Variants in RALYL observed in about 807,000 individuals in gnomAD.
RALYL encodes RNA-binding Raly-like protein.
Under a neutral mutation model 35.1 loss-of-function variants are expected in RALYL, and 29 were observed. The ratio of observed to expected loss-of-function variants is 0.83; its 90% CI spans 0.61 to 1.13. RALYL has a LOEUF of 1.13. Ranked by LOEUF, RALYL falls within the 50% of genes most tolerant of loss-of-function variation. RALYL has a pLI of 0.00. For missense variants in RALYL, 359 were observed against 360.4 expected (o/e 1.00, Z 0.03); for synonymous variants, 120 against 127.6 (o/e 0.94, Z 0.40).
chr8:84,515,601 G>A (rs1020636277), intron 1 of RALYL, among the ~76,000 whole-genome samples: 9 of 152,086 alleles, frequency 5.9e-5, no homozygotes, highest in African/African-American at 9.7e-5. Flanking sequence ...CTTCTAGATG[G>A]TGTCTTTCAA....
chr8:84,346,021 T>C (rs1849771768), intron 1 of RALYL: 6 of 896,706 alleles, frequency 6.7e-6, no homozygotes, highest in Non-Finnish European at 8.0e-6. Context: ...ATAACTTGTA[T>C]GCATTTCTCT....
At chr8:84,792,351 C>T (rs926864007) in intron 3 of RALYL, among the ~76,000 whole-genome samples, 166 of 152,224 alleles carry the variant, frequency 1.1e-3, no homozygotes, top group African/African-American at 3.9e-3. Flanking sequence ...CGGCCAATCT[C>T]CTTTCCAACT....
chr8:84,320,965 C>T (rs1278036120), intron 1 of RALYL, among the ~76,000 whole-genome samples: 1 of 152,020 alleles, frequency 6.6e-6, no homozygotes, highest in African/African-American at 2.4e-5. Context: ...ACCATAGCAC[C>T]ATTCTTCAAC....
At chr8:84,236,531 G>A (rs916063244) in intron 1 of RALYL, among the ~76,000 whole-genome samples, 23 of 152,104 alleles carry the variant, frequency 1.5e-4, no homozygotes, top group African/African-American at 4.8e-4. Flanking sequence ...AATGATCCTG[G>A]CCAAGTCATG....
intron 6 of RALYL, among the ~76,000 whole-genome samples, chr8:84,868,023 T>C (rs1317707809): frequency 6.6e-6 from 1 of 152,098 alleles, no homozygotes; most frequent in East Asian, 1.9e-4. Flanking sequence ...TGCATAATAA[T>C]AAATTAGTTA....
intron 1 of RALYL, among the ~76,000 whole-genome samples, chr8:84,469,670 G>T (rs1412080996): frequency 1.3e-5 from 2 of 152,324 alleles, no homozygotes; most frequent in East Asian, 1.9e-4. Flanking sequence ...GCTCCACCCA[G>T]TTCGAGCTTC....
chr8:84,217,388 T>C (rs1821084610), intron 1 of RALYL, among the ~76,000 whole-genome samples: 1 of 152,128 alleles, frequency 6.6e-6, no homozygotes, highest in East Asian at 1.9e-4. Flanking sequence ...TATTAAAATA[T>C]TTTAAATACA....
At chr8:84,635,258 G>A (rs1372625008) in intron 2 of RALYL, among the ~76,000 whole-genome samples, 1 of 151,620 alleles carries the variant, frequency 6.6e-6, no homozygotes, top group East Asian at 1.9e-4. Context: ...ACAATATGCT[G>A]GAAAAAGGTA....
chr8:84,346,196 T>G, intron 1 of RALYL: 1 of 393,614 alleles, frequency 2.5e-6, no homozygotes, highest in African/African-American at 2.2e-5. Flanking sequence ...ATTGTTGAAT[T>G]TTAAATGTAT....
intron 2 of RALYL, among the ~76,000 whole-genome samples, chr8:84,591,533 A>G (rs1813270626): frequency 6.6e-6 from 1 of 152,198 alleles, no homozygotes; most frequent in Admixed American, 6.5e-5. Flanking sequence ...GATAGTAAGC[A>G]CACTTTCCCT....
intron 1 of RALYL, among the ~76,000 whole-genome samples, chr8:84,407,876 T>G (rs2043704253): frequency 6.6e-6 from 1 of 152,056 alleles, no homozygotes; most frequent in African/African-American, 2.4e-5. Context: ...TAAGGAACAC[T>G]CTAATTATCA....
chr8:84,479,068 A>G (rs2053765619), intron 1 of RALYL, among the ~76,000 whole-genome samples: 1 of 128,388 alleles, frequency 7.8e-6, no homozygotes, highest in Non-Finnish European at 1.6e-5. Context: ...CCTAGGTGAC[A>G]GAGCAAGACT....
intron 2 of RALYL, among the ~76,000 whole-genome samples, chr8:84,770,506 A>T (rs887259689): frequency 6.6e-6 from 1 of 151,254 alleles, no homozygotes; most frequent in African/African-American, 2.4e-5. Flanking sequence ...GCTGCTATAA[A>T]TATGCACGTG....
chr8:84,297,564 A>G (rs567112444), intron 1 of RALYL, among the ~76,000 whole-genome samples: 106 of 152,272 alleles, frequency 7.0e-4, no homozygotes, highest in Non-Finnish European at 1.4e-3. Context: ...TTTTGGAGGT[A>G]TATACCCAAT....
chr8:84,269,250 T>A (rs1833865705), intron 1 of RALYL, among the ~76,000 whole-genome samples: 1 of 152,174 alleles, frequency 6.6e-6, no homozygotes, highest in South Asian at 2.1e-4. Flanking sequence ...ATAGATTAAA[T>A]TACCAACTAA....
At chr8:84,294,732 C>T (rs566751072) in intron 1 of RALYL, among the ~76,000 whole-genome samples, 1 of 151,514 alleles carries the variant, frequency 6.6e-6, no homozygotes, top group Admixed American at 6.6e-5. Context: ...GGCAGAGACT[C>T]AAAGGTAGAC....
chr8:84,692,305 T>C (rs1838226411), intron 2 of RALYL, among the ~76,000 whole-genome samples: 1 of 151,922 alleles, frequency 6.6e-6, no homozygotes, highest in Admixed American at 6.6e-5. Context: ...TCAAAAACAA[T>C]ATGGACTGCT....
chr8:84,725,629 C>T (rs923487572), intron 2 of RALYL, among the ~76,000 whole-genome samples: 1 of 151,580 alleles, frequency 6.6e-6, no homozygotes. Flanking sequence ...GTTGAGTTCT[C>T]ACATTAGGTA....
chr8:84,587,661 C>T (rs562897831), intron 2 of RALYL, among the ~76,000 whole-genome samples: 20 of 152,070 alleles, frequency 1.3e-4, no homozygotes, highest in Non-Finnish European at 2.2e-4. Context: ...ATATGCATAG[C>T]ATACTGTAGT....
Sources: allele counts gnomAD v4.1 joint callset (sites outside exome capture counted in the v4.1 genomes callset), GRCh38; gene constraint gnomAD v4.1.1; transcripts MANE v1.5; gene names NCBI Gene and HGNC (gene_info 2026-07-23, HGNC 2026-07-21).